MATCAP2: variants seen among roughly 807,000 people sequenced by gnomAD.
The protein encoded by MATCAP2 is putative tyrosine carboxypeptidase MATCAP2.
the MATCAP2 span, chr7:36,357,383 G>C: frequency 6.2e-7 from 1 of 1,614,110 alleles, no homozygotes; most frequent in Admixed American, 1.7e-5. Context: ...TTTGGAGTAG[G>C]TGGAGGAAGA....
At chr7:36,384,886 T>C in the MATCAP2 span, among the ~76,000 whole-genome samples, 2 of 151,506 alleles carry the variant, frequency 1.3e-5, no homozygotes, top group South Asian at 2.1e-4. Flanking sequence ...AAGGAAAGTA[T>C]TGTGATGTTA....
chr7:36,336,427 C>T, the MATCAP2 span: 1 of 748,546 alleles, frequency 1.3e-6, no homozygotes. Context: ...AACTGAAGTG[C>T]CAAACTTTTC....
chr7:36,386,447 ATG>A, the MATCAP2 span, among the ~76,000 whole-genome samples: 6,697 of 148,244 alleles, frequency 0.045, 209 homozygotes, highest in African/African-American at 0.086. Context: ...GTATGTGTGT[ATG>A]TGTGTGTGTG....
At chr7:36,389,660 G>A in the MATCAP2 span, 2 of 221,894 alleles carry the variant, frequency 9.0e-6, no homozygotes, top group African/African-American at 2.3e-5. Context: ...TTGGAGAGCA[G>A]GAAGCGCCCC....
the MATCAP2 span, chr7:36,325,346 C>A: frequency 6.6e-6 from 1 of 152,206 alleles, no homozygotes; most frequent in Admixed American, 6.5e-5. Flanking sequence ...CTTTGGGCAC[C>A]AGCTAGAGTA....
At chr7:36,340,164 G>C in the MATCAP2 span, among the ~76,000 whole-genome samples, 1 of 152,140 alleles carries the variant, frequency 6.6e-6, no homozygotes, top group South Asian at 2.1e-4. Flanking sequence ...CACCGCGCTT[G>C]GCCTGCTTAT....
the MATCAP2 span, chr7:36,333,811 C>A: frequency 6.8e-7 from 1 of 1,463,740 alleles, no homozygotes; most frequent in Non-Finnish European, 9.2e-7. Context: ...AATCACTAGA[C>A]AACTAGTCAG....
chr7:36,339,113 T>C, the MATCAP2 span, among the ~76,000 whole-genome samples: 1 of 152,228 alleles, frequency 6.6e-6, no homozygotes, highest in Non-Finnish European at 1.5e-5. Flanking sequence ...TCCTTCATAT[T>C]TGTCTTAGAA....
chr7:36,350,008 G>C, the MATCAP2 span, among the ~76,000 whole-genome samples: 3 of 152,194 alleles, frequency 2.0e-5, no homozygotes, highest in African/African-American at 7.2e-5. Context: ...CAGTGTATCT[G>C]TGAAAGGTTT....
chr7:36,382,928 ATATCC>A, the MATCAP2 span, among the ~76,000 whole-genome samples: 199 of 152,382 alleles, frequency 1.3e-3, 1 homozygote, highest in Admixed American at 2.6e-3. Context: ...AATTATCTTA[ATATCC>A]TTATTAACCA....
the MATCAP2 span, among the ~76,000 whole-genome samples, chr7:36,379,839 C>CAGAGAG: frequency 4.6e-5 from 6 of 131,492 alleles, no homozygotes; most frequent in Admixed American, 8.1e-5. Context: ...CACACACACA[C>CAGAGAG]ACACACACAG....
At chr7:36,366,117 G>A in the MATCAP2 span, among the ~76,000 whole-genome samples, 11 of 152,272 alleles carry the variant, frequency 7.2e-5, no homozygotes, top group African/African-American at 2.4e-4. Flanking sequence ...GCTTTATTTT[G>A]GCACTAGTTT....
chr7:36,341,534 G>A, the MATCAP2 span, among the ~76,000 whole-genome samples: 2 of 152,186 alleles, frequency 1.3e-5, no homozygotes, highest in African/African-American at 2.4e-5. Context: ...AGGGTATTAG[G>A]AGGTAGGGCC....
At chr7:36,386,439 A>ATGTGTGTG in the MATCAP2 span, among the ~76,000 whole-genome samples, 13 of 124,294 alleles carry the variant, frequency 1.0e-4, no homozygotes, top group African/African-American at 3.7e-4. Context: ...GTGTATGTGT[A>ATGTGTGTG]TGTGTGTATG....
chr7:36,335,409 T>C, the MATCAP2 span, among the ~76,000 whole-genome samples: 1 of 152,180 alleles, frequency 6.6e-6, no homozygotes, highest in Non-Finnish European at 1.5e-5. Flanking sequence ...AGTAGATGGC[T>C]GTGCTGAGGA....
the MATCAP2 span, among the ~76,000 whole-genome samples, chr7:36,379,454 ATGTGTGTGTC>A: frequency 2.7e-4 from 41 of 152,120 alleles, no homozygotes; most frequent in Non-Finnish European, 5.3e-4. Context: ...ATAACCATGC[ATGTGTGTGTC>A]TGTGTGTGTA....
chr7:36,389,498 G>C, the MATCAP2 span, among the ~76,000 whole-genome samples: 1 of 152,220 alleles, frequency 6.6e-6, no homozygotes, highest in South Asian at 2.1e-4. Context: ...CAAATGCTGG[G>C]ATTATAAGCA....
At chr7:36,389,885 G>A in the MATCAP2 span, 1 of 1,467,528 alleles carries the variant, frequency 6.8e-7, no homozygotes, top group Non-Finnish European at 9.4e-7. Context: ...GAAGCCGAGA[G>A]GAGAGGACAG....
the MATCAP2 span, chr7:36,357,169 A>C: frequency 4.4e-5 from 71 of 1,614,068 alleles, no homozygotes; most frequent in Non-Finnish European, 5.4e-5. Flanking sequence ...TTTTGGGTTT[A>C]GGTGGCAGTA....
Sources: allele counts gnomAD v4.1 joint callset (sites outside exome capture counted in the v4.1 genomes callset), GRCh38; gene constraint gnomAD v4.1.1; transcripts MANE v1.5; gene names NCBI Gene and HGNC (gene_info 2026-07-23, HGNC 2026-07-21).